The following SHISA9 variants were observed in gnomAD, a reference collection of about 807,000 sequenced individuals.
The protein encoded by SHISA9 is protein shisa-9.
SHISA9 carries 13 observed loss-of-function variants against 38.0 expected under a neutral mutation model. That is an observed-to-expected ratio of 0.34 (90% confidence interval 0.22 to 0.54). The LOEUF is 0.54. Ranked by LOEUF, SHISA9 falls within the 20% of genes least tolerant of loss-of-function variation. The pLI is 0.91. For synonymous variants in SHISA9, 275 were observed against 242.0 expected (o/e 1.14, Z -1.27); for missense variants, 538 against 575.8 (o/e 0.93, Z 0.67).
chr16:12,951,954 A>AT (rs1458020730), intron 2 of SHISA9, among the ~76,000 whole-genome samples: 2 of 152,196 alleles, frequency 1.3e-5, no homozygotes, highest in Non-Finnish European at 1.5e-5. Context: ...GAACATATGC[A>AT]TGTCAATATG....
At chr16:13,217,885 C>A (rs753128467) in intron 4 of SHISA9, among the ~76,000 whole-genome samples, 12 of 152,040 alleles carry the variant, frequency 7.9e-5, no homozygotes, top group Non-Finnish European at 1.5e-4. Flanking sequence ...GAAAAATTAG[C>A]CAGGTACAGT....
At chr16:13,284,300 T>G in the SHISA9 span, among the ~76,000 whole-genome samples, 1 of 152,172 alleles carries the variant, frequency 6.6e-6, no homozygotes, top group African/African-American at 2.4e-5. Context: ...ACCTGTTGGC[T>G]TCCATATTTT....
At chr16:13,097,534 A>G (rs925726983) in intron 2 of SHISA9, among the ~76,000 whole-genome samples, 3 of 151,908 alleles carry the variant, frequency 2.0e-5, no homozygotes, top group African/African-American at 7.3e-5. Context: ...CCAAGTAGCT[A>G]GGACTACAGG....
At chr16:12,908,541 C>G (rs1229719461) in intron 1 of SHISA9, 1 of 1,551,934 alleles carries the variant, frequency 6.4e-7, no homozygotes, top group Non-Finnish European at 8.7e-7. Context: ...GAACCTGCCC[C>G]TGGAGAGTGG....
chr16:13,396,486 C>T, the SHISA9 span, among the ~76,000 whole-genome samples: 26 of 152,216 alleles, frequency 1.7e-4, no homozygotes, highest in African/African-American at 6.3e-4. Flanking sequence ...CAGTGTCCTC[C>T]ACTAGCCAAC....
intron 2 of SHISA9, among the ~76,000 whole-genome samples, chr16:13,160,851 G>C (rs141845653): frequency 6.6e-6 from 1 of 152,182 alleles, no homozygotes; most frequent in East Asian, 1.9e-4. Context: ...ATTCTGCTGC[G>C]TCTGGCTGAG....
At chr16:13,107,227 T>C (rs150783037) in intron 2 of SHISA9, among the ~76,000 whole-genome samples, 576 of 151,846 alleles carry the variant, frequency 3.8e-3, no homozygotes, top group Non-Finnish European at 5.6e-3. Flanking sequence ...AGGTCAGTAG[T>C]TCAAGACCAG....
intron 2 of SHISA9, among the ~76,000 whole-genome samples, chr16:13,113,349 C>T (rs2073998957): frequency 6.6e-6 from 1 of 152,116 alleles, no homozygotes. Flanking sequence ...AGAGTATCTG[C>T]TGTCTCTTTG....
chr16:12,948,750 G>A (rs2071718005), intron 2 of SHISA9, among the ~76,000 whole-genome samples: 1 of 152,138 alleles, frequency 6.6e-6, no homozygotes, highest in Non-Finnish European at 1.5e-5. Flanking sequence ...TCATCACTAT[G>A]GGGCCTAGAA....
the SHISA9 span, among the ~76,000 whole-genome samples, chr16:13,260,009 T>C: frequency 2.0e-4 from 18 of 90,694 alleles, no homozygotes; most frequent in Non-Finnish European, 2.4e-4. Context: ...CTTTCTTTCT[T>C]TTTTTTTTTT....
At chr16:13,162,371 G>A (rs753700956) in intron 2 of SHISA9, among the ~76,000 whole-genome samples, 4 of 152,154 alleles carry the variant, frequency 2.6e-5, no homozygotes, top group Non-Finnish European at 4.4e-5. Flanking sequence ...AGCCATTAAG[G>A]TACAAATTAA....
the SHISA9 span, among the ~76,000 whole-genome samples, chr16:13,525,960 G>A: frequency 6.6e-6 from 1 of 152,218 alleles, no homozygotes; most frequent in African/African-American, 2.4e-5. Context: ...GGCCCTCCAT[G>A]GTGTAAACCA....
At chr16:13,401,110 C>G in the SHISA9 span, among the ~76,000 whole-genome samples, 4 of 152,166 alleles carry the variant, frequency 2.6e-5, no homozygotes, top group African/African-American at 7.2e-5. Flanking sequence ...AGTGAGATGA[C>G]CATCCCACAG....
chr16:13,005,728 C>T (rs570750519), intron 2 of SHISA9, among the ~76,000 whole-genome samples: 5 of 152,252 alleles, frequency 3.3e-5, no homozygotes, highest in African/African-American at 9.6e-5. Context: ...AACCGGGCAT[C>T]GGTGTTGACC....
chr16:12,913,082 G>C (rs1280998312), intron 1 of SHISA9, among the ~76,000 whole-genome samples: 2 of 152,098 alleles, frequency 1.3e-5, no homozygotes, highest in African/African-American at 4.8e-5. Context: ...ATACAGTTCA[G>C]TGGTTTTTGG....
At chr16:13,489,835 G>A in the SHISA9 span, among the ~76,000 whole-genome samples, 4 of 152,212 alleles carry the variant, frequency 2.6e-5, no homozygotes, top group Admixed American at 2.6e-4. Flanking sequence ...CTGAGGCACA[G>A]AGTGGTTAAG....
intron 2 of SHISA9, among the ~76,000 whole-genome samples, chr16:12,993,790 A>G (rs1027237381): frequency 5.3e-5 from 8 of 152,224 alleles, no homozygotes; most frequent in African/African-American, 1.9e-4. Context: ...ATTCTGAGCA[A>G]GAGAATGTTA....
At chr16:13,467,054 T>C in the SHISA9 span, among the ~76,000 whole-genome samples, 1 of 152,222 alleles carries the variant, frequency 6.6e-6, no homozygotes, top group Admixed American at 6.5e-5. Flanking sequence ...TGCATATGGC[T>C]GCCACGTTGA....
chr16:13,096,035 G>T (rs2073822696), intron 2 of SHISA9, among the ~76,000 whole-genome samples: 1 of 152,204 alleles, frequency 6.6e-6, no homozygotes, highest in Non-Finnish European at 1.5e-5. Context: ...GAAAGCCCTG[G>T]AGTCAAGAAT....
Sources: allele counts gnomAD v4.1 joint callset (sites outside exome capture counted in the v4.1 genomes callset), GRCh38; gene constraint gnomAD v4.1.1; transcripts MANE v1.5; gene names NCBI Gene and HGNC (gene_info 2026-07-23, HGNC 2026-07-21).